The following FGD2 variants were observed in gnomAD, a reference collection of about 807,000 sequenced individuals.
The protein encoded by FGD2 is FYVE, RhoGEF and PH domain-containing protein 2.
In FGD2, 52 loss-of-function variants were observed where a neutral mutation model predicts 75.9. The ratio of observed to expected loss-of-function variants is 0.69; its 90% CI spans 0.55 to 0.86. The LOEUF (loss-of-function observed/expected upper bound fraction) is 0.86, where lower values mean the gene tolerates loss of function less well. Among genes scored for constraint, FGD2 ranks in the 40% least tolerant of loss-of-function variants. FGD2 has a pLI of 0.00. For synonymous variants in FGD2, 347 were observed against 348.6 expected, an observed-to-expected ratio of 1.00 and a Z score of 0.05; for missense variants, 790 against 872.0, an observed-to-expected ratio of 0.91 and a Z score of 1.18.
chr6:37,021,709 T>C lies in FGD2; in HGVS notation c.1326+105T>C. 3.8e-6 allele frequency: 4 copies of C among 1,052,402 alleles called. No homozygotes were observed. In the South Asian group the frequency reaches 6.1e-5, roughly 16 times the overall value. The allele number at this position is 1,052,402 out of a possible 1,614,324, so 65.2% of individuals were successfully genotyped here. ...GCTCAGAGGGAGAGGGAGTGTCATC[T>C]GCCAGGAGAGACTGAAGGGACCAGG... is the stretch of plus-strand genomic sequence containing the variant. On this transcript the variant is annotated intron_variant, in intron 12 of 15. Coordinates refer to ENST00000274963, the MANE Select transcript of FGD2 (RefSeq NM_173558.4).
intron 4 of FGD2, among the ~76,000 whole-genome samples, chr6:37,012,311 G>A (rs1409164054): frequency 2.6e-5 from 4 of 152,232 alleles, no homozygotes. Flanking sequence ...TTGCCACGAA[G>A]TCTAGGATGT....
Position 37,013,997 on chromosome 6 carries a change from C to A in FGD2, c.720C>A (p.His240Gln). ...CTTCGGGCAGCCTGACCCTGCAGCA[C>A]CACATGCTGGAACCAGTGCAGAGAA... ...SEASGSLTLQ[H>Q]HMLEPVQRIP... Residue 240 changes from histidine (H) to glutamine (Q), a missense_variant, in exon 6 of 16, where the codon CAC becomes CAA. Physicochemically the swap from His to Gln is conservative, Grantham distance 24. Coordinates refer to ENST00000274963, the MANE Select transcript of FGD2 (RefSeq NM_173558.4). 6.2e-7 allele frequency: 1 copy of A among 1,614,076 alleles called. No individual in the cohort carries two copies. The highest frequency in any genetic ancestry group is 8.5e-7 in the Non-Finnish European group (1 of 1,179,956).
intron 2 of FGD2, 180 bp downstream of exon 2, chr6:37,009,245 CTG>C (rs1764896486): frequency 1.6e-6 from 1 of 607,832 alleles, no homozygotes; most frequent in Non-Finnish European, 2.9e-6. Context: ...CACTAACTGC[CTG>C]CTACGCACCG....
chr6:37,027,350 A>G, intron 14 of FGD2, 79 bp from the exon 15 acceptor site: 1 of 1,503,610 alleles, frequency 6.7e-7, no homozygotes, highest in African/African-American at 1.4e-5. Flanking sequence ...GATTGGAGAT[A>G]GTGATTGTCA....
In FGD2 at chr6:37,014,439, A is replaced by G. The variant is rs964218742; in HGVS notation, c.824-207A>G. On this transcript the variant is annotated intron_variant, in intron 6 of 15. Coordinates refer to ENST00000274963, the MANE Select transcript of FGD2 (RefSeq NM_173558.4). ...TGAGAGTCACCAAAGCCAAACACCT[A>G]ATGGCTAACGTTCAGTGGCTTCCAG... is the stretch of plus-strand genomic sequence containing the variant. 6.2e-6 allele frequency: 4 copies of G among 640,382 alleles called. No homozygotes were observed. In the African/African-American group the frequency reaches 7.3e-5, roughly 12 times the overall value. 39.7% of individuals were successfully genotyped at this position (640,382 alleles called of 1,614,324 possible).
In FGD2 at chr6:37,021,499, C is replaced by T; in HGVS notation, c.1234-13C>T. The T allele has an allele frequency of 6.2e-7, 1 of 1,610,906 alleles. No individual in the cohort carries two copies. The highest frequency in any genetic ancestry group is 8.5e-7 in the Non-Finnish European group (1 of 1,178,272). ...CACCTCAAGCCCCGACCCTCCCCCT[C>T]CCTGCACCCCAGGCCTTCCAAGCAG... is the stretch of plus-strand genomic sequence containing the variant. On this transcript the variant is annotated splice_polypyrimidine_tract_variant and intron_variant, in intron 11 of 15. Transcript: ENST00000274963.
Position 37,027,473 on chromosome 6 carries a change from C to T in FGD2, c.1650C>T (p.Phe550=), listed in dbSNP as rs200880382. Residue 550 remains phenylalanine, a synonymous_variant, in exon 15 of 16, where the codon TTC becomes TTT. Coordinates refer to ENST00000274963, the MANE Select transcript of FGD2 (RefSeq NM_173558.4). Reference sequence around the variant, plus strand: ...CTGACCAGAGCCTGATGTGCAGCTTCCTGCAGCTCATCGGGGACAAGTGGG... The same window carrying T: ...CTGACCAGAGCCTGATGTGCAGCTTTCTGCAGCTCATCGGGGACAAGTGGG... ...ATPDQSLMCS[F]LQLIGDKWGK... is the part of the protein sequence containing the mutation. The T allele has an allele frequency of 6.2e-7, 1 of 1,613,986 alleles. No homozygotes were observed. Among genetic ancestry groups the T allele is most frequent in the Non-Finnish European group, 8.5e-7 (1 of 1,179,904 alleles).
In FGD2 at chr6:37,005,705, G is replaced by T; in HGVS notation, c.-113G>T. On this transcript the variant is annotated 5_prime_UTR_variant, in exon 1 of 16. Transcript: ENST00000274963. ...TGAGCCCTCAAGAAAGATCAGAACAGATTCATGGGTGATTTAGCCTATCTG... is the reference window on the plus strand; with the variant it reads ...TGAGCCCTCAAGAAAGATCAGAACATATTCATGGGTGATTTAGCCTATCTG... 8.7e-7 allele frequency: 1 copy of T among 1,149,962 alleles called. No homozygotes were observed. Among genetic ancestry groups the T allele is most frequent in the Non-Finnish European group, 1.3e-6 (1 of 779,254 alleles). 71.2% of individuals were successfully genotyped at this position (1,149,962 alleles called of 1,614,324 possible).
intron 2 of FGD2, chr6:37,009,516 C>T (rs1764908086): frequency 6.4e-6 from 1 of 155,162 alleles, no homozygotes; most frequent in Non-Finnish European, 1.4e-5. Flanking sequence ...GCAGTTTTCT[C>T]ATCTGCAGAG....
chr6:37,027,142 CCCAATTCTGTTTCCTGGAGCAGCT>C (rs1765864137), intron 14 of FGD2, among the ~76,000 whole-genome samples: 1 of 152,168 alleles, frequency 6.6e-6, no homozygotes, highest in African/African-American at 2.4e-5. Context: ...CTTCTCAGGG[CCCAATTCTGTTTCCTGGAGCAGCT>C]CCAGGCACCC....
chr6:37,008,909 C>T lies in FGD2; in HGVS notation c.144C>T (p.Ser48=), dbSNP rs1165835025. The T allele has an allele frequency of 2.5e-6, 4 of 1,614,192 alleles. No individual in the cohort carries two copies. The highest frequency in any genetic ancestry group is 3.4e-6 in the Non-Finnish European group (4 of 1,180,030). The part of the protein sequence containing the change: ...HHRPECRPPE[S]PGPREKTNVG... Reference sequence around the variant, plus strand: ...GCCCTGAGTGCAGGCCTCCCGAGTCCCCAGGACCACGGGAGAAGACGAATG... The same window carrying T: ...GCCCTGAGTGCAGGCCTCCCGAGTCTCCAGGACCACGGGAGAAGACGAATG... The change falls in exon 2 of 16, where the codon TCC becomes TCT. Residue 48 remains serine, a synonymous_variant. Coordinates refer to ENST00000274963, the MANE Select transcript of FGD2 (RefSeq NM_173558.4).
intron 12 of FGD2, 92 bp from the exon 13 acceptor site, chr6:37,022,147 C>T: frequency 6.8e-7 from 1 of 1,474,634 alleles, no homozygotes; most frequent in Non-Finnish European, 9.0e-7. Flanking sequence ...ATCCCTGCTA[C>T]AGCAGGTGGG....
At chr6:37,021,232 A>T (rs1283538886) in intron 11 of FGD2, among the ~76,000 whole-genome samples, 2 of 152,100 alleles carry the variant, frequency 1.3e-5, no homozygotes, top group African/African-American at 4.8e-5. Flanking sequence ...GCTCTGTGGT[A>T]GTTTGGAGAC....
intron 15 of FGD2, 91 bp from the exon 16 acceptor site, chr6:37,027,857 C>G (rs1185016620): frequency 7.1e-7 from 1 of 1,398,650 alleles, no homozygotes; most frequent in Non-Finnish European, 9.9e-7. Context: ...AGGGTGTGAG[C>G]TGTGCGTGCG....
At chr6:37,020,449 T>G (rs1765522262) in intron 9 of FGD2, 92 bp from the exon 10 acceptor site, 1 of 1,225,426 alleles carries the variant, frequency 8.2e-7, no homozygotes. Context: ...AATTGTCCCT[T>G]GGGCACAATC....
chr6:37,008,794 CT>C, intron 1 of FGD2, 39 bp from the exon 2 acceptor site: 1 of 1,503,464 alleles, frequency 6.7e-7, no homozygotes. Flanking sequence ...TTTCCCTGTT[CT>C]CCAGGGAGGA....
At chr6:37,024,850 C>T (rs1269302216) in intron 13 of FGD2, 2 of 152,242 alleles carry the variant, frequency 1.3e-5, no homozygotes, top group Non-Finnish European at 2.9e-5. Context: ...GCCTGCCAGA[C>T]GGGAATCCTT....
intron 12 of FGD2, 113 bp from the exon 13 acceptor site, chr6:37,022,126 C>A: frequency 7.1e-7 from 1 of 1,416,324 alleles, no homozygotes; most frequent in Non-Finnish European, 9.4e-7. Flanking sequence ...CAGGGAAGCC[C>A]AACACAAAGA....
chr6:37,027,459 C>A lies in FGD2; in HGVS notation c.1636C>A (p.Leu546Met), dbSNP rs1390885239. Reference sequence around the variant, plus strand: ...GTCCTCAGCCACGCCTGACCAGAGCCTGATGTGCAGCTTCCTGCAGCTCAT... The same window carrying A: ...GTCCTCAGCCACGCCTGACCAGAGCATGATGTGCAGCTTCCTGCAGCTCAT... ...KGSSATPDQS[L>M]MCSFLQLIGD... The change falls in exon 15 of 16, where the codon CTG becomes ATG. Residue 546 changes from leucine (L) to methionine (M), a missense_variant. Transcript: ENST00000274963. 4 of 1,613,404 alleles carry A rather than the reference C, an allele frequency of 2.5e-6. No individual in the cohort carries two copies. Among genetic ancestry groups the A allele is most frequent in the Non-Finnish European group, 3.4e-6 (4 of 1,179,540 alleles).
Sources: allele counts gnomAD v4.1 joint callset (sites outside exome capture counted in the v4.1 genomes callset), GRCh38; gene constraint gnomAD v4.1.1; transcripts MANE v1.5; gene names NCBI Gene and HGNC (gene_info 2026-07-23, HGNC 2026-07-21).